CCR5AS: variants seen among roughly 807,000 people sequenced by gnomAD.
CCR5AS encodes CCR5 antisense RNA.
chr3:46,385,680 G>A (rs145215092), intron 2 of CCR5AS, among the ~76,000 whole-genome samples: 24 of 152,148 alleles, frequency 1.6e-4, no homozygotes, highest in Middle Eastern at 3.4e-3. Flanking sequence ...CCTACTGGGC[G>A]CAACTCTCTC....
At chr3:46,402,357 G>A (rs184306694) in intron 1 of CCR5AS, among the ~76,000 whole-genome samples, 98 of 152,278 alleles carry the variant, frequency 6.4e-4, no homozygotes, top group Admixed American at 3.9e-3. Context: ...GATGGTCTCC[G>A]AAGCCTTAAA....
In CCR5AS at chr3:46,383,743, C is replaced by T. The variant is rs774161492; in HGVS notation, n.391+9082G>A. On this transcript the variant is annotated intron_variant and non_coding_transcript_variant, in intron 2 of 3. Transcript: ENST00000451485. Reference sequence around the variant, plus strand: ...AAGCAGAAACAGAAACAAAAGAAACCCCTAAGGGGGTTCTTACTTCCCCTC... The same window carrying T: ...AAGCAGAAACAGAAACAAAAGAAACTCCTAAGGGGGTTCTTACTTCCCCTC... 8.0e-4 allele frequency among the ~76,000 whole-genome samples: 121 copies of T among 152,044 alleles called. 1 individual carries two copies. Among genetic ancestry groups the T allele is most frequent in the Non-Finnish European group, 1.4e-3 (92 of 68,016 alleles).
At chr3:46,384,910 T>TAGACAGAC (rs1247630820) in intron 2 of CCR5AS, among the ~76,000 whole-genome samples, 10 of 123,118 alleles carry the variant, frequency 8.1e-5, no homozygotes, top group African/African-American at 2.7e-4. Flanking sequence ...GATAGATAGA[T>TAGACAGAC]AGACAGACAG....
intron 2 of CCR5AS, among the ~76,000 whole-genome samples, chr3:46,383,457 G>A (rs1701832057): frequency 6.6e-6 from 1 of 152,190 alleles, no homozygotes; most frequent in Non-Finnish European, 1.5e-5. Flanking sequence ...AAAACCCAAT[G>A]AGAAGTTCTG....
intron 2 of CCR5AS, among the ~76,000 whole-genome samples, chr3:46,389,809 G>A (rs1238167326): frequency 2.0e-5 from 3 of 152,186 alleles, no homozygotes; most frequent in Admixed American, 1.3e-4. Flanking sequence ...TGCCTAAGAA[G>A]GAAGGGAGTT....
At chr3:46,364,055 A>G (rs1015883839), downstream of CCR5AS, among the ~76,000 whole-genome samples, 1 of 152,258 alleles carries the variant, frequency 6.6e-6, no homozygotes, top group Non-Finnish European at 1.5e-5. Flanking sequence ...GCAAGTGCAA[A>G]GGGAGAAGCT....
chr3:46,366,590 A>G (rs1273933863), intron 3 of CCR5AS, among the ~76,000 whole-genome samples: 1 of 152,202 alleles, frequency 6.6e-6, no homozygotes, highest in East Asian at 1.9e-4. Context: ...GAATTGCACA[A>G]ATCCCTATGG....
At chr3:46,392,336 G>A (rs958582503) in intron 2 of CCR5AS, among the ~76,000 whole-genome samples, 6 of 152,190 alleles carry the variant, frequency 3.9e-5, no homozygotes, top group Non-Finnish European at 7.3e-5. Flanking sequence ...GTGCCAACTT[G>A]GAGAGGTCAG....
intron 1 of CCR5AS, among the ~76,000 whole-genome samples, chr3:46,402,267 A>G (rs926501204): frequency 1.3e-5 from 2 of 152,318 alleles, no homozygotes; most frequent in Admixed American, 1.3e-4. Flanking sequence ...CCCAGGTATC[A>G]CAGCTACTAA....
chr3:46,383,887 T>A (rs888817544), intron 2 of CCR5AS, among the ~76,000 whole-genome samples: 3 of 151,854 alleles, frequency 2.0e-5, no homozygotes, highest in African/African-American at 7.3e-5. Flanking sequence ...TGAAAGAGAG[T>A]CCCTGTCCTT....
chr3:46,369,748 G>C (rs1413280215), intron 3 of CCR5AS, among the ~76,000 whole-genome samples: 2 of 152,134 alleles, frequency 1.3e-5, no homozygotes, highest in Non-Finnish European at 2.9e-5. Context: ...CTCATGAAAT[G>C]ACTACTGTCA....
intron 2 of CCR5AS, among the ~76,000 whole-genome samples, chr3:46,376,457 T>G (rs1208444444): frequency 6.6e-6 from 1 of 152,206 alleles, no homozygotes; most frequent in Non-Finnish European, 1.5e-5. Context: ...GGTTGCTGGT[T>G]GCTGAGCAAT....
intron 1 of CCR5AS, among the ~76,000 whole-genome samples, chr3:46,401,482 G>A (rs1185593039): frequency 2.0e-5 from 3 of 152,248 alleles, no homozygotes; most frequent in Non-Finnish European, 2.9e-5. Flanking sequence ...TCACAAGCAG[G>A]TCTGACTCCA....
At chr3:46,371,078 A>G (rs930868095) in intron 3 of CCR5AS, 3 of 152,236 alleles carry the variant, frequency 2.0e-5, no homozygotes, top group Non-Finnish European at 2.9e-5. Flanking sequence ...CATTTGGCAA[A>G]CACCAAGTGC....
chr3:46,373,331 C>T (rs748154509), intron 2 of CCR5AS: 2 of 1,614,152 alleles, frequency 1.2e-6, no homozygotes, highest in South Asian at 1.1e-5. Context: ...GGACGGTCAC[C>T]TTTGGGGTGG....
chr3:46,373,424 T>C (rs1180279084), intron 2 of CCR5AS: 1 of 1,612,622 alleles, frequency 6.2e-7, no homozygotes, highest in Non-Finnish European at 8.5e-7. Flanking sequence ...AAGAAGGTCT[T>C]CATTACACCT....
intron 1 of CCR5AS, among the ~76,000 whole-genome samples, chr3:46,396,500 G>C (rs943127506): frequency 2.6e-5 from 4 of 152,192 alleles, no homozygotes; most frequent in African/African-American, 9.7e-5. Context: ...TGGATACTGT[G>C]AGACTCTGCC....
At chr3:46,379,726 C>G (rs1219886083) in intron 2 of CCR5AS, among the ~76,000 whole-genome samples, 1 of 151,774 alleles carries the variant, frequency 6.6e-6, no homozygotes, top group African/African-American at 2.4e-5. Flanking sequence ...GAAACCCCTG[C>G]CTCTACTAAA....
chr3:46,386,050 G>C (rs1392542950), intron 2 of CCR5AS, among the ~76,000 whole-genome samples: 2 of 151,954 alleles, frequency 1.3e-5, no homozygotes, highest in African/African-American at 4.8e-5. Flanking sequence ...TAGCTGGGAG[G>C]ACAGACGTGC....
Sources: gnomAD v4.1 joint callset for allele counts (sites outside exome capture counted in the v4.1 genomes callset) on GRCh38, gnomAD v4.1.1 for gene constraint, MANE v1.5 for transcripts, NCBI Gene and HGNC (gene_info 2026-07-23, HGNC 2026-07-21) for gene names.